The following ROBO2 variants were observed in gnomAD, a reference collection of about 807,000 sequenced individuals.
ROBO2 encodes roundabout guidance receptor 2.
In ROBO2, 53 loss-of-function variants were observed where a neutral mutation model predicts 160.8. The observed-to-expected ratio is 0.33, with a 90% CI of 0.26 to 0.41. The LOEUF is 0.41. ROBO2 is among the 10% of genes least tolerant of loss of function. The probability of loss-of-function intolerance (pLI) is 1.00; values close to 1 mark genes in which losing one functional copy is unlikely to be tolerated. For synonymous variants in ROBO2, 664 were observed against 611.7 expected (o/e 1.09, Z -1.26); for missense variants, 1,577 against 1,722.4 (o/e 0.92, Z 1.49).
chr3:76,997,524 A>C (rs1194127319), intron 2 of ROBO2, among the ~76,000 whole-genome samples: 1 of 152,162 alleles, frequency 6.6e-6, no homozygotes. Flanking sequence ...CTTCGAACAC[A>C]TGGGCAAAGT....
chr3:77,225,559 C>A (rs1297579495), intron 2 of ROBO2, among the ~76,000 whole-genome samples: 1 of 151,786 alleles, frequency 6.6e-6, no homozygotes, highest in Non-Finnish European at 1.5e-5. Flanking sequence ...TATCAGGCAA[C>A]CTATTTTATA....
At chr3:76,561,660 T>C (rs2084192420) in intron 2 of ROBO2, among the ~76,000 whole-genome samples, 1 of 152,290 alleles carries the variant, frequency 6.6e-6, no homozygotes, top group Non-Finnish European at 1.5e-5. Context: ...GCTCAGAGGA[T>C]AAAAGCATTC....
At chr3:76,208,764 C>G (rs373251230) in intron 2 of ROBO2, among the ~76,000 whole-genome samples, 6 of 152,088 alleles carry the variant, frequency 3.9e-5, no homozygotes, top group African/African-American at 1.4e-4. Flanking sequence ...CACATGTATC[C>G]TTTCCCTATG....
At chr3:77,190,142 G>A (rs2081693346) in intron 2 of ROBO2, among the ~76,000 whole-genome samples, 1 of 151,808 alleles carries the variant, frequency 6.6e-6, no homozygotes, top group Non-Finnish European at 1.5e-5. Context: ...GGGAAAATTT[G>A]ACCCTTGTTT....
At chr3:76,417,447 A>G (rs796119145) in intron 2 of ROBO2, among the ~76,000 whole-genome samples, 50 of 152,300 alleles carry the variant, frequency 3.3e-4, no homozygotes, top group African/African-American at 1.2e-3. Flanking sequence ...ACCAGGGTTT[A>G]CTCTGCTAGT....
chr3:77,253,953 C>G (rs576517200), intron 2 of ROBO2, among the ~76,000 whole-genome samples: 26 of 152,168 alleles, frequency 1.7e-4, no homozygotes, highest in African/African-American at 5.8e-4. Flanking sequence ...TTTTCTTATG[C>G]TATTCTGTTT....
intron 1 of ROBO2, among the ~76,000 whole-genome samples, chr3:77,087,867 GACAC>G (rs1016729709): frequency 4.0e-5 from 6 of 151,600 alleles, no homozygotes; most frequent in African/African-American, 1.5e-4. Context: ...CATATATAAA[GACAC>G]ACACACATAC....
chr3:76,653,013 A>C (rs2109912956), intron 2 of ROBO2, among the ~76,000 whole-genome samples: 1 of 152,246 alleles, frequency 6.6e-6, no homozygotes, highest in South Asian at 2.1e-4. Flanking sequence ...AGGTTCCTTG[A>C]GAGAGTTAAT....
chr3:76,796,588 A>G (rs2063720112), intron 2 of ROBO2, among the ~76,000 whole-genome samples: 1 of 151,954 alleles, frequency 6.6e-6, no homozygotes, highest in East Asian at 1.9e-4. Flanking sequence ...TGACAATAAT[A>G]AGCTATTACT....
intron 2 of ROBO2, among the ~76,000 whole-genome samples, chr3:76,922,057 A>G (rs1307446283): frequency 6.6e-6 from 1 of 152,210 alleles, no homozygotes; most frequent in Non-Finnish European, 1.5e-5. Flanking sequence ...CATGCCTGTA[A>G]TCCCAGCACT....
chr3:77,057,861 G>A (rs985096105), intron 1 of ROBO2, among the ~76,000 whole-genome samples: 5 of 151,966 alleles, frequency 3.3e-5, no homozygotes, highest in East Asian at 1.9e-4. Context: ...GAGCCACCGC[G>A]TCCTGGCAAT....
At chr3:77,437,289 G>A (rs1411229736) in intron 2 of ROBO2, among the ~76,000 whole-genome samples, 4 of 151,890 alleles carry the variant, frequency 2.6e-5, no homozygotes, top group Admixed American at 1.3e-4. Flanking sequence ...ATGATATGAG[G>A]ATATAGTTCT....
intron 2 of ROBO2, among the ~76,000 whole-genome samples, chr3:76,984,240 C>A (rs982121019): frequency 3.3e-5 from 5 of 152,160 alleles, no homozygotes; most frequent in Non-Finnish European, 7.3e-5. Context: ...GGGATTCACA[C>A]TTGGGTCAGA....
At chr3:76,640,413 C>G (rs1027251636) in intron 2 of ROBO2, among the ~76,000 whole-genome samples, 1 of 152,182 alleles carries the variant, frequency 6.6e-6, no homozygotes, top group Admixed American at 6.5e-5. Flanking sequence ...TGCCTGTAAT[C>G]CCAGCTACTC....
At chr3:75,946,169 T>C (rs75370736) in intron 2 of ROBO2, among the ~76,000 whole-genome samples, 260 of 146,682 alleles carry the variant, frequency 1.8e-3, no homozygotes, top group Middle Eastern at 0.014. Flanking sequence ...TAACCTATCA[T>C]AATATCATGA....
At position 77,565,877 on chromosome 3, in the gene ROBO2, A is replaced by G. The variant is rs191146194; in HGVS notation, c.1849+757A>G. ...CCTTATTACCTGTCTCTTCAAACTG[A>G]GAAGTCACTGGAGTCTGAGGTTTAA... On this transcript the variant is annotated intron_variant, in intron 12 of 25. Transcript: ENST00000461745. Among the ~76,000 whole-genome samples, 15 of 152,208 alleles carry G rather than the reference A, an allele frequency of 9.9e-5. 1 individual carries two copies. Among genetic ancestry groups the G allele is most frequent in the African/African-American group, 3.4e-4 (14 of 41,560 alleles).
chr3:76,173,372 G>A (rs1392508664), intron 2 of ROBO2, among the ~76,000 whole-genome samples: 1 of 151,628 alleles, frequency 6.6e-6, no homozygotes, highest in Non-Finnish European at 1.5e-5. Flanking sequence ...TGAAGTTCTG[G>A]GATACATGTG....
At chr3:76,302,409 C>T (rs548472249) in intron 2 of ROBO2, among the ~76,000 whole-genome samples, 1 of 152,062 alleles carries the variant, frequency 6.6e-6, no homozygotes, top group South Asian at 2.1e-4. Flanking sequence ...GACACCATTC[C>T]TTGGGATACC....
intron 2 of ROBO2, among the ~76,000 whole-genome samples, chr3:75,940,240 T>C (rs1455900769): frequency 1.3e-5 from 2 of 152,160 alleles, no homozygotes; most frequent in African/African-American, 2.4e-5. Flanking sequence ...TAACGAGGAA[T>C]GTAGATTAAT....
Sources: gnomAD v4.1 joint callset for allele counts (sites outside exome capture counted in the v4.1 genomes callset) on GRCh38, gnomAD v4.1.1 for gene constraint, MANE v1.5 for transcripts, NCBI Gene and HGNC (gene_info 2026-07-23, HGNC 2026-07-21) for gene names.